GALK1: variants seen among roughly 807,000 people sequenced by gnomAD.
GALK1 encodes galactokinase 1, also known as galactokinase.
GALK1 carries 30 observed loss-of-function variants against 38.6 expected under a neutral mutation model. The observed-to-expected ratio is 0.78, with a 90% CI of 0.58 to 1.05. GALK1 has a LOEUF of 1.05. GALK1 is among the 50% of genes least tolerant of loss of function. The pLI, the probability that GALK1 is intolerant of heterozygous loss-of-function variation, is 0.00. For missense variants in GALK1, 512 were observed against 540.5 expected, an observed-to-expected ratio of 0.95 and a Z score of 0.52; for synonymous variants, 240 against 233.6, an observed-to-expected ratio of 1.03 and a Z score of -0.25.
intron 5 of GALK1, 60 bp from the exon 6 acceptor site, chr17:75,758,659 G>T: frequency 6.5e-7 from 1 of 1,541,174 alleles, no homozygotes; most frequent in South Asian, 1.2e-5. Context: ...CGACGCCTGT[G>T]AGGACCAGCA....
chr17:75,755,454 G>C (rs1054764197), downstream of GALK1, among the ~76,000 whole-genome samples: 1 of 152,156 alleles, frequency 6.6e-6, no homozygotes, highest in Admixed American at 6.5e-5. Flanking sequence ...CTGAGCAGTT[G>C]AGGGGGTGGG....
chr17:75,756,877 G>GA (rs773361478), downstream of GALK1: 2 of 1,612,154 alleles, frequency 1.2e-6, no homozygotes, highest in South Asian at 2.2e-5. Context: ...CCACCCCGGG[G>GA]GCAGGAGTGG....
At chr17:75,755,297 C>A, downstream of GALK1, 3 of 1,411,834 alleles carry the variant, frequency 2.1e-6, no homozygotes, top group Admixed American at 2.0e-5. Context: ...CAGCTGTGCC[C>A]ACTGCTTCCC....
At chr17:75,754,945 C>A, downstream of GALK1, 1 of 1,450,136 alleles carries the variant, frequency 6.9e-7, no homozygotes, top group Non-Finnish European at 9.4e-7. Flanking sequence ...CACACATGCA[C>A]GCACACACGT....
rs1445771557 is a variant in GALK1, at chr17:75,758,627, G to A, written c.794-28C>T. On this transcript the variant is annotated intron_variant, in intron 5 of 7. Transcript: ENST00000588479. ...GGGGAGGAAAGAGGAGTCAGCAGCC[G>A]CCTTCTCACTGCCTGGGGCCCCGAC... The A allele has an allele frequency of 5.1e-6, 8 of 1,570,804 alleles. No homozygotes were observed. The Admixed American group carries it at 5.4e-5, about 11-fold the overall frequency.
chr17:75,753,849 C>G, downstream of GALK1: 1 of 1,400,946 alleles, frequency 7.1e-7, no homozygotes, highest in Non-Finnish European at 9.3e-7. Context: ...GAGCTCATCC[C>G]GCGCCTGTCG....
chr17:75,756,880 A>C (rs1487383687), downstream of GALK1: 1 of 1,611,864 alleles, frequency 6.2e-7, no homozygotes, highest in Non-Finnish European at 8.5e-7. Flanking sequence ...CCCCGGGGGC[A>C]GGAGTGGCCA....
Position 75,763,480 on chromosome 17 carries a change from G to A in GALK1, c.356-41C>T, listed in dbSNP as rs759530195. ...CAGGTGATGGTAAGAGGGGCTGCCT[G>A]GGAGGATGGCACAGGAAGGGCAGGT... On this transcript the variant is annotated intron_variant, in intron 2 of 7. Coordinates refer to ENST00000588479, the MANE Select transcript of GALK1 (RefSeq NM_000154.2). The A allele has an allele frequency of 4.6e-5, 71 of 1,556,888 alleles. 1 individual carries two copies. The East Asian group carries it at 1.3e-3, about 28-fold the overall frequency.
intron 8 of GALK1, chr17:75,751,891 C>T (rs1299483785): frequency 1.6e-5 from 8 of 506,942 alleles, no homozygotes; most frequent in South Asian, 6.0e-5. Context: ...GTGGAGGCAC[C>T]GTGGATATAT....
At position 75,758,477 on chromosome 17, in the gene GALK1, G is replaced by A. The variant is rs756105908; in HGVS notation, c.916C>T (p.Leu306Phe). The change falls in exon 6 of 8, where the codon CTC (leucine) becomes TTC (phenylalanine). Residue 306 changes from leucine (L) to phenylalanine (F), a missense_variant. Leu to Phe is a conservative substitution (Grantham distance 22, BLOSUM62 0). Transcript: ENST00000588479. ...AGTGAGCGGTGGCTCTCCACCATGAGGCGGCCAAAGGCTCTGTAGTCGCCA... is the reference window on the plus strand; with the variant it reads ...AGTGAGCGGTGGCTCTCCACCATGAAGCGGCCAAAGGCTCTGTAGTCGCCA... The part of the protein sequence containing the change: ...RRGDYRAFGR[L>F]MVESHRSLRD... The A allele has an allele frequency of 2.6e-5, 41 of 1,575,314 alleles. No individual in the cohort carries two copies. The highest frequency in any genetic ancestry group is 3.4e-5 in the Non-Finnish European group (40 of 1,162,780).
chr17:75,754,695 C>A (rs61735299), downstream of GALK1: 5 of 1,614,032 alleles, frequency 3.1e-6, no homozygotes, highest in Non-Finnish European at 4.2e-6. Flanking sequence ...CGTGCCCCAC[C>A]GCGTGCTAAG....
intron 8 of GALK1, chr17:75,752,468 T>C: frequency 6.2e-7 from 1 of 1,613,576 alleles, no homozygotes; most frequent in Non-Finnish European, 8.5e-7. Context: ...CTGACATCCC[T>C]ATCGTGGACG....
intron 1 of GALK1, 78 bp from the exon 2 acceptor site, chr17:75,764,164 G>T: frequency 7.7e-7 from 1 of 1,297,134 alleles, no homozygotes; most frequent in Non-Finnish European, 1.1e-6. Flanking sequence ...CTCCAGCCGA[G>T]GTTCTGATGC....
downstream of GALK1, chr17:75,755,015 C>T (rs2061461492): frequency 3.2e-6 from 5 of 1,581,538 alleles, no homozygotes; most frequent in South Asian, 1.1e-5. Flanking sequence ...CATGCATGCA[C>T]ACTCCCTGCT....
chr17:75,752,109 T>G, intron 8 of GALK1: 1 of 1,541,678 alleles, frequency 6.5e-7, no homozygotes, highest in Non-Finnish European at 9.0e-7. Context: ...TCCTGCTGTG[T>G]CAGGGGTGGT....
At chr17:75,763,233 C>T in intron 3 of GALK1, 84 bp from the exon 4 acceptor site, 7 of 1,610,682 alleles carry the variant, frequency 4.3e-6, no homozygotes, top group Non-Finnish European at 5.9e-6. Flanking sequence ...GTCCCTGCCA[C>T]CCCCTCCATA....
At chr17:75,762,123 G>A (rs75056343) in intron 5 of GALK1, among the ~76,000 whole-genome samples, 16,294 of 152,168 alleles carry the variant, frequency 0.11, 1,070 homozygotes, top group Non-Finnish European at 0.15. Flanking sequence ...CCAGAGTTCA[G>A]GATCAGCCTG....
chr17:75,758,723 G>A (rs1035518618), intron 5 of GALK1, 124 bp from the exon 6 acceptor site: 2 of 1,254,268 alleles, frequency 1.6e-6, no homozygotes, highest in Non-Finnish European at 2.2e-6. Flanking sequence ...GGCCGCGGGG[G>A]CAGGGCAGCC....
downstream of GALK1, chr17:75,756,908 G>C (rs56149979): frequency 8.8e-3 from 14,218 of 1,612,152 alleles, 1,011 homozygotes; most frequent in African/African-American, 0.16. Flanking sequence ...GGTAAAGAGG[G>C]GGCCGCAGAC....
Sources: gnomAD v4.1 joint callset for allele counts (sites outside exome capture counted in the v4.1 genomes callset) on GRCh38, gnomAD v4.1.1 for gene constraint, MANE v1.5 for transcripts, NCBI Gene and HGNC (gene_info 2026-07-23, HGNC 2026-07-21) for gene names.